The following ENPP1 variants were observed in gnomAD, a reference collection of about 807,000 sequenced individuals.
ENPP1 encodes the protein ectonucleotide pyrophosphatase/phosphodiesterase 1.
ENPP1 carries 73 observed loss-of-function variants against 122.8 expected under a neutral mutation model. The observed-to-expected ratio is 0.59, with a 90% confidence interval of 0.49 to 0.72. ENPP1 has a LOEUF of 0.72. Ranked by LOEUF, ENPP1 falls within the 30% of genes least tolerant of loss-of-function variation. The pLI is 0.00. For synonymous variants in ENPP1, 367 were observed against 391.6 expected, an observed-to-expected ratio of 0.94 and a Z score of 0.74; for missense variants, 978 against 1,128.1, an observed-to-expected ratio of 0.87 and a Z score of 1.91.
At chr6:131,849,432 G>T (rs1298497722) in intron 2 of ENPP1, among the ~76,000 whole-genome samples, 2 of 152,184 alleles carry the variant, frequency 1.3e-5, no homozygotes, top group Non-Finnish European at 2.9e-5. Flanking sequence ...ATCTAAAGGT[G>T]AAATGGGTGT....
chr6:131,850,589 G>T (rs188091303), intron 3 of ENPP1, among the ~76,000 whole-genome samples: 81 of 152,218 alleles, frequency 5.3e-4, no homozygotes, highest in African/African-American at 1.9e-3. Context: ...ATTTTTTAAA[G>T]ACAGGGACTT....
intron 11 of ENPP1, 81 bp downstream of exon 11, chr6:131,865,019 A>G: frequency 2.4e-6 from 2 of 839,546 alleles, no homozygotes; most frequent in Non-Finnish European, 4.2e-6. Flanking sequence ...CTGCTAGACC[A>G]TTTTATAAGA....
In ENPP1 at chr6:131,852,254, G is replaced by T; in HGVS notation, c.617+19G>T. The stretch of plus-strand genomic sequence containing the variant: ...CAGCAGGGTAAGATTATATTCTGAG[G>T]TATTAATTTTTTCTTTTTTAGAAGT... On this transcript the variant is annotated intron_variant, in intron 5 of 24. Transcript: ENST00000647893. 2 of 1,547,150 alleles carry T rather than the reference G, an allele frequency of 1.3e-6. No individual in the cohort carries two copies. The highest frequency in any genetic ancestry group is 1.1e-5 in the South Asian group (1 of 89,450).
rs1286011305 is a variant in ENPP1 at position 131,844,797 on chromosome 6, G to A, written c.241-2979G>A. On this transcript the variant is annotated intron_variant, in intron 1 of 24. Transcript: ENST00000647893. ...TGAGAAAAAGAATGAAGATATCCCA[G>A]AGGGAGTGACACTGCCACAAAACTT... is the stretch of plus-strand genomic sequence containing the variant. Among the ~76,000 whole-genome samples the A allele has an allele frequency of 2.6e-5, 4 of 152,134 alleles. No individual in the cohort carries two copies. The East Asian group carries it at 7.7e-4, about 29-fold the overall frequency.
In ENPP1 at chr6:131,849,841, A is replaced by G. The variant is rs888618655; in HGVS notation, c.314-149A>G. 30 of 648,570 alleles carry G rather than the reference A, an allele frequency of 4.6e-5. No individual in the cohort carries two copies. In the African/African-American group the frequency reaches 4.7e-4, roughly 10 times the overall value. The allele number at this position is 648,570 out of a possible 1,614,324, so 40.2% of individuals were successfully genotyped here. ...TATCACTTTTTGTGTGTATTTGTGA[A>G]AAGATTTTTGCCTTACTTTATTACC... On this transcript the variant is annotated intron_variant, in intron 2 of 24. Coordinates refer to ENST00000647893, the MANE Select transcript of ENPP1 (RefSeq NM_006208.3).
chr6:131,854,458 T>C (rs1010521325), intron 5 of ENPP1, among the ~76,000 whole-genome samples: 1 of 152,052 alleles, frequency 6.6e-6, no homozygotes, highest in Admixed American at 6.6e-5. Context: ...TAGTGTGTAA[T>C]GTATATACTA....
intron 1 of ENPP1, among the ~76,000 whole-genome samples, chr6:131,838,063 C>T (rs925316895): frequency 1.3e-5 from 2 of 152,024 alleles, no homozygotes; most frequent in African/African-American, 4.8e-5. Flanking sequence ...TCTTTAGATT[C>T]AGGTAGCTTA....
In ENPP1 at chr6:131,891,654, G is replaced by A. The variant is rs771304624; in HGVS notation, c.*1143G>A. On this transcript the variant is annotated 3_prime_UTR_variant, in exon 25 of 25. Coordinates refer to ENST00000647893, the MANE Select transcript of ENPP1 (RefSeq NM_006208.3). Reference sequence around the variant, plus strand: ...CACCAAAGATTTTTATATGTCCTTCGTGTGACCATTCTTCAACGGCCTAAG... The same window carrying A: ...CACCAAAGATTTTTATATGTCCTTCATGTGACCATTCTTCAACGGCCTAAG... 4 of 151,796 alleles carry A rather than the reference G, an allele frequency of 2.6e-5. No individual in the cohort carries two copies. The highest frequency in any genetic ancestry group is 2.1e-4 in the South Asian group (1 of 4,818). 9.4% of individuals were successfully genotyped at this position (151,796 alleles called of 1,614,324 possible).
intron 2 of ENPP1, among the ~76,000 whole-genome samples, chr6:131,849,197 C>T (rs186544996): frequency 3.0e-4 from 46 of 152,264 alleles, no homozygotes; most frequent in African/African-American, 1.1e-3. Flanking sequence ...ATGTGCTAAT[C>T]TCAACTATAT....
intron 1 of ENPP1, among the ~76,000 whole-genome samples, chr6:131,821,166 G>T (rs1781480839): frequency 6.6e-6 from 1 of 152,116 alleles, no homozygotes; most frequent in Non-Finnish European, 1.5e-5. Context: ...CCCCACCCCA[G>T]ACCTACTAAA....
At chr6:131,885,920 T>C (rs932075820) in intron 23 of ENPP1, among the ~76,000 whole-genome samples, 3 of 152,206 alleles carry the variant, frequency 2.0e-5, no homozygotes, top group Middle Eastern at 3.2e-3. Flanking sequence ...ATCTGTTTTA[T>C]AGATTATGTT....
At chr6:131,831,412 C>T (rs756831291) in intron 1 of ENPP1, among the ~76,000 whole-genome samples, 149 of 152,252 alleles carry the variant, frequency 9.8e-4, no homozygotes, top group Non-Finnish European at 1.1e-3. Context: ...TAACTAAAGT[C>T]CATACTTTAT....
At chr6:131,841,954 G>A (rs762874653) in intron 1 of ENPP1, among the ~76,000 whole-genome samples, 3 of 152,108 alleles carry the variant, frequency 2.0e-5, no homozygotes, top group Non-Finnish European at 2.9e-5. Context: ...ATATTTCAGC[G>A]CCTGAACACA....
At position 131,879,941 on chromosome 6, in the gene ENPP1, C is replaced by A. The variant is rs1782280147; in HGVS notation, c.2007C>A (p.Asn669Lys). The A allele has an allele frequency of 1.4e-5, 22 of 1,612,988 alleles. No individual in the cohort carries two copies. Among genetic ancestry groups the A allele is most frequent in the Non-Finnish European group, 1.7e-5 (20 of 1,179,098 alleles). The change falls in exon 20 of 25, where the codon AAC becomes AAA. Residue 669 changes from asparagine to lysine, a missense_variant. Transcript: ENST00000647893. ...GACCTAGAGTTCTCCAGAAGGAAAACACCATCTGTCTTCTTTCCCAGCACC... is the reference window on the plus strand; with the variant it reads ...GACCTAGAGTTCTCCAGAAGGAAAAAACCATCTGTCTTCTTTCCCAGCACC... ...YGRPRVLQKE[N>K]TICLLSQHQF...
Position 131,808,099 on chromosome 6 carries a change from G to C in ENPP1, c.64G>C (p.Glu22Gln). ...RGGEGGRAPREGPAGNGRDRG... is the reference protein window; with the variant it reads ...RGGEGGRAPRQGPAGNGRDRG... ...CGGCGAGGGCGGGCGCGCTCCCCGG[G>C]AGGGCCCGGCGGGGAACGGCCGCGA... Residue 22 changes from glutamate to glutamine, a missense_variant, in exon 1 of 25, where the codon GAG becomes CAG. Glu to Gln is a conservative substitution (Grantham distance 29, BLOSUM62 2). Coordinates refer to ENST00000647893, the MANE Select transcript of ENPP1 (RefSeq NM_006208.3). The C allele has an allele frequency of 8.5e-7, 1 of 1,174,338 alleles. No homozygotes were observed. The highest frequency in any genetic ancestry group is 1.1e-6 in the Non-Finnish European group (1 of 948,784). 72.7% of individuals were successfully genotyped at this position (1,174,338 alleles called of 1,614,324 possible). A position where few individuals can be genotyped will look rare whatever the true frequency, so the allele number is the denominator to read the frequency against.
intron 5 of ENPP1, among the ~76,000 whole-genome samples, chr6:131,853,666 T>G (rs1448009098): frequency 6.6e-6 from 1 of 152,180 alleles, no homozygotes; most frequent in Non-Finnish European, 1.5e-5. Context: ...GCTTTTGTGT[T>G]TGTGTGTGAG....
At chr6:131,825,638 A>G (rs543245041) in intron 1 of ENPP1, among the ~76,000 whole-genome samples, 2 of 152,336 alleles carry the variant, frequency 1.3e-5, no homozygotes, top group East Asian at 3.9e-4. Flanking sequence ...TCCAATTAAC[A>G]ATGATGAAAA....
At position 131,829,456 on chromosome 6, in the gene ENPP1, A is replaced by C. The variant is rs1186739768; in HGVS notation, c.241-18320A>C. ...AGAATTAGAAAACAAGATAACCCTC[A>C]AAATGGAGAGTTCTTTGCCTATATT... On this transcript the variant is annotated intron_variant, in intron 1 of 24. Coordinates refer to ENST00000647893, the MANE Select transcript of ENPP1 (RefSeq NM_006208.3). 3.3e-5 allele frequency among the ~76,000 whole-genome samples: 5 copies of C among 152,314 alleles called. No individual in the cohort carries two copies. In the East Asian group the frequency reaches 9.7e-4, roughly 29 times the overall value.
intron 1 of ENPP1, among the ~76,000 whole-genome samples, chr6:131,825,208 A>G (rs78686029): frequency 0.031 from 4,768 of 152,300 alleles, 238 homozygotes; most frequent in East Asian, 0.25. Context: ...TAGTGGCACA[A>G]ACAAATCAAC....
Sources: allele counts gnomAD v4.1 joint callset (sites outside exome capture counted in the v4.1 genomes callset), GRCh38; gene constraint gnomAD v4.1.1; transcripts MANE v1.5; gene names NCBI Gene and HGNC (gene_info 2026-07-23, HGNC 2026-07-21).